The following KCNB2 variants were observed in gnomAD, a reference collection of about 807,000 sequenced individuals.
KCNB2 encodes the protein delayed rectifier potassium channel protein.
Under a neutral mutation model 61.5 loss-of-function variants are expected in KCNB2, and 15 were observed. The observed-to-expected ratio is 0.24, with a 90% confidence interval of 0.16 to 0.38. The LOEUF (loss-of-function observed/expected upper bound fraction) is 0.38. Ranked by LOEUF, KCNB2 falls within the 10% of genes least tolerant of loss-of-function variation. The pLI is 1.00. For synonymous variants in KCNB2, 457 were observed against 446.0 expected (o/e 1.02, Z -0.31); for missense variants, 828 against 1,125.2 (o/e 0.74, Z 3.78).
chr8:72,929,817 T>G (rs1182384440), intron 2 of KCNB2, among the ~76,000 whole-genome samples: 1 of 152,164 alleles, frequency 6.6e-6, no homozygotes, highest in Non-Finnish European at 1.5e-5. Context: ...TTTATTATTA[T>G]ACTTTAAGTT....
intron 2 of KCNB2, among the ~76,000 whole-genome samples, chr8:72,916,558 TC>T (rs1376459374): frequency 2.0e-5 from 3 of 152,324 alleles, no homozygotes; most frequent in African/African-American, 7.2e-5. Context: ...AACTTTACTG[TC>T]TGTGGACAGC....
chr8:72,867,081 T>C (rs538183168), intron 2 of KCNB2, among the ~76,000 whole-genome samples: 1 of 152,288 alleles, frequency 6.6e-6, no homozygotes, highest in South Asian at 2.1e-4. Flanking sequence ...TGGCATATAG[T>C]AGGAGTTTAA....
intron 2 of KCNB2, among the ~76,000 whole-genome samples, chr8:72,707,007 C>T (rs1264736318): frequency 6.6e-6 from 1 of 152,158 alleles, no homozygotes; most frequent in African/African-American, 2.4e-5. Flanking sequence ...CAACCTTGTA[C>T]TCCACTCTGC....
At chr8:72,597,912 C>G (rs1229114013) in intron 2 of KCNB2, among the ~76,000 whole-genome samples, 3 of 152,164 alleles carry the variant, frequency 2.0e-5, no homozygotes, top group Non-Finnish European at 4.4e-5. Context: ...TTGTGGAAAA[C>G]AGTGTAGTAA....
At chr8:72,679,772 G>T (rs963327131) in intron 2 of KCNB2, among the ~76,000 whole-genome samples, 3 of 152,144 alleles carry the variant, frequency 2.0e-5, no homozygotes, top group African/African-American at 7.2e-5. Flanking sequence ...CTGATCTGGG[G>T]CTCACTGCAC....
chr8:72,725,599 A>ATATATGTATGTG lies in KCNB2; in HGVS notation c.579+157291_579+157292insGTATGTGTATAT, dbSNP rs1563572081. ...TGTATATATATATGTATGTATATAT[A>ATATATGTATGTG]TATATATATATATATATATATATGC... On this transcript the variant is annotated intron_variant, in intron 2 of 2. Transcript: ENST00000523207. Among the ~76,000 whole-genome samples, 69 of 58,220 alleles carry ATATATGTATGTG rather than the reference A, an allele frequency of 1.2e-3. 1 individual carries two copies. Among genetic ancestry groups the ATATATGTATGTG allele is most frequent in the Middle Eastern group, 0.019 (2 of 106 alleles). The allele number at this position is 58,220 out of a possible 152,430, so 38.2% of individuals were successfully genotyped here.
At chr8:72,859,706 CGTTTTTTTTTTTTT>C (rs1432920077) in intron 2 of KCNB2, among the ~76,000 whole-genome samples, 4 of 73,442 alleles carry the variant, frequency 5.4e-5, no homozygotes, top group African/African-American at 2.4e-4. Context: ...TACTTCATTT[CGTTTTTTTTTTTTT>C]TTTTTTTTTT....
At chr8:72,896,684 C>CA (rs1399613209) in intron 2 of KCNB2, among the ~76,000 whole-genome samples, 13 of 151,746 alleles carry the variant, frequency 8.6e-5, no homozygotes, top group South Asian at 4.2e-4. Context: ...GAAGATATTT[C>CA]AAAAAAAACA....
intron 2 of KCNB2, among the ~76,000 whole-genome samples, chr8:72,747,139 A>G (rs904596000): frequency 2.0e-5 from 3 of 152,178 alleles, no homozygotes; most frequent in African/African-American, 7.2e-5. Flanking sequence ...CACAAAGGGA[A>G]GCCCCAGGGG....
chr8:72,849,941 C>T (rs574974806), intron 2 of KCNB2, among the ~76,000 whole-genome samples: 10 of 152,208 alleles, frequency 6.6e-5, no homozygotes, highest in Admixed American at 2.0e-4. Context: ...ATCTACAACA[C>T]CCACCATTTG....
intron 2 of KCNB2, among the ~76,000 whole-genome samples, chr8:72,781,555 G>A (rs1808755080): frequency 6.6e-6 from 1 of 152,090 alleles, no homozygotes; most frequent in African/African-American, 2.4e-5. Flanking sequence ...TCTCTATTCT[G>A]TTCCATAGGT....
At chr8:72,669,919 A>G (rs911176710) in intron 2 of KCNB2, among the ~76,000 whole-genome samples, 15 of 152,340 alleles carry the variant, frequency 9.8e-5, no homozygotes, top group African/African-American at 3.6e-4. Flanking sequence ...TATGAACAAC[A>G]TGAATGTGCC....
intron 2 of KCNB2, chr8:72,732,224 G>A (rs183953497): frequency 3.9e-5 from 6 of 152,356 alleles, no homozygotes; most frequent in Admixed American, 3.9e-4. Flanking sequence ...TTCAGAGGCA[G>A]CTTATTATAT....
At chr8:72,849,283 G>T (rs1810052432) in intron 2 of KCNB2, among the ~76,000 whole-genome samples, 1 of 151,774 alleles carries the variant, frequency 6.6e-6, no homozygotes, top group Non-Finnish European at 1.5e-5. Context: ...AATATGTGAT[G>T]ATCAGATCAA....
chr8:72,580,162 C>T (rs867695424), intron 2 of KCNB2, among the ~76,000 whole-genome samples: 2 of 152,164 alleles, frequency 1.3e-5, no homozygotes, highest in Non-Finnish European at 2.9e-5. Context: ...AGAAAGCAAC[C>T]ACGGGCACTA....
chr8:72,914,045 C>T (rs188964240), intron 2 of KCNB2, among the ~76,000 whole-genome samples: 74 of 152,328 alleles, frequency 4.9e-4, no homozygotes, highest in African/African-American at 1.6e-3. Flanking sequence ...TTATTTCTCA[C>T]AGTTCTTGAG....
At chr8:72,774,573 C>G (rs1325300437) in intron 2 of KCNB2, among the ~76,000 whole-genome samples, 5 of 152,208 alleles carry the variant, frequency 3.3e-5, no homozygotes, top group Non-Finnish European at 7.4e-5. Context: ...TGGTCTCAAC[C>G]TCCTGATCTC....
At chr8:72,822,270 TTA>T in intron 2 of KCNB2, among the ~76,000 whole-genome samples, 1 of 152,356 alleles carries the variant, frequency 6.6e-6, no homozygotes, top group East Asian at 1.9e-4. Context: ...TATATTTGCT[TTA>T]TGTTTCCTCC....
At chr8:72,913,873 C>T (rs768634471) in intron 2 of KCNB2, among the ~76,000 whole-genome samples, 5 of 152,132 alleles carry the variant, frequency 3.3e-5, no homozygotes, top group Admixed American at 1.3e-4. Context: ...TGTGACATGT[C>T]AGTTGGTTGA....
Sources: gnomAD v4.1 joint callset for allele counts (sites outside exome capture counted in the v4.1 genomes callset) on GRCh38, gnomAD v4.1.1 for gene constraint, MANE v1.5 for transcripts, NCBI Gene and HGNC (gene_info 2026-07-23, HGNC 2026-07-21) for gene names.